PARVB: variants seen among roughly 807,000 people sequenced by gnomAD.
PARVB encodes beta-parvin.
A neutral mutation model predicts 47.0 loss-of-function variants in PARVB; 46 were observed. The observed-to-expected ratio is 0.98, with a 90% confidence interval of 0.77 to 1.25. PARVB has a LOEUF of 1.25. Among genes scored for constraint, PARVB ranks in the 50% most tolerant of loss-of-function variants. The pLI is 0.00. For missense variants in PARVB, 473 were observed against 471.6 expected (o/e 1.00, Z -0.03); for synonymous variants, 196 against 196.3 (o/e 1.00, Z 0.01).
At chr22:44,052,744 A>C (rs977277056) in intron 1 of PARVB, among the ~76,000 whole-genome samples, 2 of 152,092 alleles carry the variant, frequency 1.3e-5, no homozygotes, top group African/African-American at 4.8e-5. Context: ...GGAGTTCAAG[A>C]CCAGCCTGAG....
intron 1 of PARVB, among the ~76,000 whole-genome samples, chr22:44,067,502 C>T (rs1480755482): frequency 6.6e-6 from 1 of 152,248 alleles, no homozygotes; most frequent in Non-Finnish European, 1.5e-5. Flanking sequence ...GAAGACCCTC[C>T]CTTGCCCCAG....
At chr22:44,113,247 T>G (rs1287270687) in intron 3 of PARVB, 2 of 83,578 alleles carry the variant, frequency 2.4e-5, no homozygotes, top group Non-Finnish European at 4.7e-5. Context: ...TGTTACTAAG[T>G]AAGGCCCTGC....
chr22:44,033,385 C>T (rs902733792), intron 1 of PARVB, among the ~76,000 whole-genome samples: 1 of 152,094 alleles, frequency 6.6e-6, no homozygotes, highest in Non-Finnish European at 1.5e-5. Flanking sequence ...AACTGTTTAG[C>T]GTGTGCAGAG....
At chr22:44,072,692 T>G (rs1435555329) in intron 1 of PARVB, among the ~76,000 whole-genome samples, 2 of 152,154 alleles carry the variant, frequency 1.3e-5, no homozygotes, top group Non-Finnish European at 2.9e-5. Context: ...TCCACCCACC[T>G]TGGCCTCCCA....
chr22:44,075,529 A>T (rs1310698281), intron 1 of PARVB, among the ~76,000 whole-genome samples: 36 of 152,116 alleles, frequency 2.4e-4, no homozygotes, highest in Non-Finnish European at 3.1e-4. Flanking sequence ...GGTGCTGGAC[A>T]TTGTGTAAGG....
At chr22:44,052,367 C>T (rs552832921) in intron 1 of PARVB, among the ~76,000 whole-genome samples, 14 of 152,198 alleles carry the variant, frequency 9.2e-5, no homozygotes, top group African/African-American at 2.9e-4. Flanking sequence ...AAAGAAGGCC[C>T]GGGCCTGCTC....
At chr22:44,134,396 G>C (rs555632541) in intron 6 of PARVB, among the ~76,000 whole-genome samples, 1 of 152,218 alleles carries the variant, frequency 6.6e-6, no homozygotes, top group Non-Finnish European at 1.5e-5. Context: ...TGGTTCCCAA[G>C]CCTACCTACG....
chr22:44,157,371 GA>G (rs1378003577), intron 10 of PARVB, among the ~76,000 whole-genome samples: 2 of 152,156 alleles, frequency 1.3e-5, no homozygotes, highest in African/African-American at 4.8e-5. Context: ...AGGAGTGGGG[GA>G]CAGTTCCAGA....
chr22:44,039,789 A>G, intron 1 of PARVB: 1 of 449,748 alleles, frequency 2.2e-6, no homozygotes, highest in Non-Finnish European at 4.4e-6. Flanking sequence ...AGACAGACCA[A>G]AAGAGTACAC....
At position 44,100,860 on chromosome 22, in the gene PARVB, G is replaced by A. The variant is rs550343810; in HGVS notation, c.273+737G>A. ...CTCTGCCTGACCTTGGTGAACCCAG[G>A]GTGGGCTCTTGGGCACACGGCTGTG... On this transcript the variant is annotated intron_variant, in intron 3 of 12. Transcript: ENST00000338758. Among the ~76,000 whole-genome samples, 18 of 152,320 alleles carry A rather than the reference G, an allele frequency of 1.2e-4. No homozygotes were observed. The South Asian group carries it at 2.3e-3, about 19-fold the overall frequency.
intron 2 of PARVB, among the ~76,000 whole-genome samples, chr22:43,999,834 GAAAAAAA>G (rs113458130): frequency 1.4e-4 from 10 of 69,362 alleles, no homozygotes; most frequent in Non-Finnish European, 2.0e-4. Context: ...CCATCTATAT[GAAAAAAA>G]AAAAAAAAAA....
intron 1 of PARVB, among the ~76,000 whole-genome samples, chr22:44,060,806 G>T (rs1397735917): frequency 6.6e-6 from 1 of 151,960 alleles, no homozygotes; most frequent in East Asian, 1.9e-4. Context: ...TGGTGGTTTT[G>T]ATCTATAAAG....
intron 1 of PARVB, among the ~76,000 whole-genome samples, chr22:44,050,311 G>A (rs2051184779): frequency 6.6e-6 from 1 of 151,278 alleles, no homozygotes; most frequent in African/African-American, 2.4e-5. Flanking sequence ...TAAACTGTTA[G>A]TAAACAAGAC....
At chr22:44,123,539 G>A (rs1217074627) in intron 4 of PARVB, among the ~76,000 whole-genome samples, 6 of 152,216 alleles carry the variant, frequency 3.9e-5, no homozygotes, top group Admixed American at 3.3e-4. Flanking sequence ...TTAGCCGCCC[G>A]AGTAGCTGAG....
intron 1 of PARVB, among the ~76,000 whole-genome samples, chr22:44,070,020 G>T (rs2051620860): frequency 6.6e-6 from 1 of 152,212 alleles, no homozygotes; most frequent in Admixed American, 6.5e-5. Flanking sequence ...CGCCCATCGT[G>T]ACGGTCGGCC....
chr22:44,146,640 T>C (rs1294162675), intron 8 of PARVB: 1 of 152,460 alleles, frequency 6.6e-6, no homozygotes, highest in Non-Finnish European at 1.5e-5. Flanking sequence ...GGTCTCTGGC[T>C]TACCTGGGCC....
chr22:44,126,153 A>G (rs185301124), intron 4 of PARVB, among the ~76,000 whole-genome samples: 1 of 152,222 alleles, frequency 6.6e-6, no homozygotes, highest in Non-Finnish European at 1.5e-5. Flanking sequence ...CACTGAGCTG[A>G]TGTTTAGCAC....
chr22:44,152,088 T>C (rs1354174368), intron 10 of PARVB: 1 of 153,434 alleles, frequency 6.5e-6, no homozygotes, highest in Non-Finnish European at 1.5e-5. Context: ...GTAAACCCTG[T>C]TTCCAGATAC....
At chr22:44,055,678 C>CTATATA (rs3083346) in intron 1 of PARVB, among the ~76,000 whole-genome samples, 3,806 of 142,676 alleles carry the variant, frequency 0.027, 53 homozygotes, top group East Asian at 0.054. Context: ...CTCTCTCTCT[C>CTATATA]TATATATATA....
Sources: allele counts gnomAD v4.1 joint callset (sites outside exome capture counted in the v4.1 genomes callset), GRCh38; gene constraint gnomAD v4.1.1; transcripts MANE v1.5; gene names NCBI Gene and HGNC (gene_info 2026-07-23, HGNC 2026-07-21).